UST: variants seen among roughly 807,000 people sequenced by gnomAD.
UST encodes chondroitin sulfate 2-O-sulfotransferase.
UST carries 21 observed loss-of-function variants against 45.6 expected under a neutral mutation model. The ratio of observed to expected loss-of-function variants is 0.46; its 90% CI spans 0.33 to 0.66. The LOEUF is 0.66. Ranked by LOEUF, UST falls within the 30% of genes least tolerant of loss-of-function variation. The probability of loss-of-function intolerance (pLI) is 0.02; values close to 1 mark genes in which losing one functional copy is unlikely to be tolerated. For synonymous variants in UST, 215 were observed against 200.6 expected (o/e 1.07, Z -0.61); for missense variants, 463 against 512.4 (o/e 0.90, Z 0.93).
At chr6:149,059,577 T>C (rs184996718) in intron 7 of UST, among the ~76,000 whole-genome samples, 1 of 152,370 alleles carries the variant, frequency 6.6e-6, no homozygotes, top group Non-Finnish European at 1.5e-5. Context: ...TATTGTGTAC[T>C]CCTTCTAGAA....
chr6:148,883,481 A>G (rs1778859398), intron 1 of UST, among the ~76,000 whole-genome samples: 1 of 152,226 alleles, frequency 6.6e-6, no homozygotes, highest in Non-Finnish European at 1.5e-5. Flanking sequence ...GTAAAAGCTT[A>G]ACAGACTGGA....
In UST at chr6:149,045,049, G is replaced by T. The variant is rs75939224; in HGVS notation, c.937+23568G>T. On this transcript the variant is annotated intron_variant, in intron 7 of 7. Coordinates refer to ENST00000367463, the MANE Select transcript of UST (RefSeq NM_005715.3). ...GATAAGTACCATTTTTTTTATTAGG[G>T]GTGTAACTAATAGAGCACTGCTTTT... 9.1e-3 allele frequency among the ~76,000 whole-genome samples: 1,388 copies of T among 152,156 alleles called. 52 individuals are homozygous for T. The highest frequency in any genetic ancestry group is 0.083 in the South Asian group (398 of 4,820).
chr6:148,905,533 T>C (rs1779339883), intron 2 of UST, among the ~76,000 whole-genome samples: 1 of 152,218 alleles, frequency 6.6e-6, no homozygotes, highest in African/African-American at 2.4e-5. Flanking sequence ...GACTCCCCAT[T>C]GGCTCCCTTC....
chr6:149,005,325 G>A, intron 5 of UST: 9 of 985,368 alleles, frequency 9.1e-6, no homozygotes, highest in Non-Finnish European at 1.1e-5. Context: ...AATTGGAGAG[G>A]GTTGAGCGGC....
chr6:149,002,446 A>G (rs949523609), intron 5 of UST, among the ~76,000 whole-genome samples: 2 of 152,186 alleles, frequency 1.3e-5, no homozygotes, highest in Non-Finnish European at 2.9e-5. Context: ...CCAGTTAAAA[A>G]CTAAATAAAT....
intron 1 of UST, among the ~76,000 whole-genome samples, chr6:148,861,429 T>TC: frequency 6.6e-6 from 1 of 152,314 alleles, no homozygotes; most frequent in East Asian, 1.9e-4. Context: ...TCAATTTTGT[T>TC]GATCTTTTCA....
chr6:149,043,801 A>G (rs936836282), intron 7 of UST, among the ~76,000 whole-genome samples: 5 of 152,250 alleles, frequency 3.3e-5, no homozygotes, highest in Admixed American at 1.3e-4. Context: ...ATATTTCCAC[A>G]TTATAACATA....
chr6:148,770,659 A>G (rs1776407824), intron 1 of UST, among the ~76,000 whole-genome samples: 2 of 152,204 alleles, frequency 1.3e-5, no homozygotes, highest in East Asian at 3.8e-4. Context: ...TCATATTTGA[A>G]CAGTGCTTTA....
intron 3 of UST, 66 bp downstream of exon 3, chr6:148,941,500 C>T (rs1780125483): frequency 5.4e-6 from 8 of 1,492,352 alleles, no homozygotes; most frequent in African/African-American, 2.8e-5. Flanking sequence ...CTAGTGGGTG[C>T]CTTACAGGTC....
intron 1 of UST, among the ~76,000 whole-genome samples, chr6:148,771,674 G>A (rs1156744528): frequency 6.6e-6 from 1 of 152,142 alleles, no homozygotes; most frequent in African/African-American, 2.4e-5. Flanking sequence ...GAAGAAAACA[G>A]CTCTAACAGG....
intron 7 of UST, among the ~76,000 whole-genome samples, chr6:149,029,466 TA>T (rs1405853510): frequency 6.3e-5 from 9 of 143,546 alleles, no homozygotes; most frequent in Admixed American, 4.9e-4. Flanking sequence ...CATTATATAT[TA>T]TATATATAAT....
chr6:148,825,067 G>A (rs1172413188), intron 1 of UST, among the ~76,000 whole-genome samples: 1 of 152,032 alleles, frequency 6.6e-6, no homozygotes, highest in Non-Finnish European at 1.5e-5. Flanking sequence ...ATTTTCTTAA[G>A]TACAGAATCT....
chr6:149,013,946 A>G (rs1252646249), intron 5 of UST, among the ~76,000 whole-genome samples: 1 of 152,254 alleles, frequency 6.6e-6, no homozygotes, highest in Non-Finnish European at 1.5e-5. Context: ...TTGTGATAAA[A>G]TTAACTCCAC....
chr6:149,018,730 G>A (rs1280718549), intron 5 of UST, among the ~76,000 whole-genome samples: 1 of 152,156 alleles, frequency 6.6e-6, no homozygotes, highest in Admixed American at 6.5e-5. Flanking sequence ...TTGGATGCAT[G>A]GATACACAGA....
chr6:148,886,623 A>G (rs544830065), intron 1 of UST, among the ~76,000 whole-genome samples: 1 of 152,222 alleles, frequency 6.6e-6, no homozygotes, highest in Non-Finnish European at 1.5e-5. Context: ...GGGGCTGGGC[A>G]GTCTTGTTTC....
chr6:148,964,709 A>C (rs1388283785), intron 5 of UST, 146 bp downstream of exon 5: 11 of 1,019,334 alleles, frequency 1.1e-5, no homozygotes, highest in Non-Finnish European at 1.5e-5. Flanking sequence ...CGCAGGAAGG[A>C]GGTCTTGGCG....
At chr6:148,889,702 C>G (rs1015892759) in intron 2 of UST, among the ~76,000 whole-genome samples, 24 of 152,218 alleles carry the variant, frequency 1.6e-4, no homozygotes, top group African/African-American at 5.1e-4. Context: ...GCCTTTTTGA[C>G]CTTTTTCCTT....
chr6:148,822,039 A>G (rs1300256779), intron 1 of UST, among the ~76,000 whole-genome samples: 1 of 152,170 alleles, frequency 6.6e-6, no homozygotes, highest in African/African-American at 2.4e-5. Flanking sequence ...TGTTCCCTGC[A>G]CTATAATCAG....
At chr6:148,944,653 C>T (rs1780198706) in intron 3 of UST, among the ~76,000 whole-genome samples, 1 of 152,086 alleles carries the variant, frequency 6.6e-6, no homozygotes, top group Non-Finnish European at 1.5e-5. Flanking sequence ...ATAAAAATCC[C>T]ACTACATCTG....
Sources: gnomAD v4.1 joint callset for allele counts (sites outside exome capture counted in the v4.1 genomes callset) on GRCh38, gnomAD v4.1.1 for gene constraint, MANE v1.5 for transcripts, NCBI Gene and HGNC (gene_info 2026-07-23, HGNC 2026-07-21) for gene names.